The following UNC13B variants were observed in gnomAD, a reference collection of about 807,000 sequenced individuals.
UNC13B encodes the protein protein unc-13 homolog B.
UNC13B carries 144 observed loss-of-function variants against 211.0 expected under a neutral mutation model. That is an observed-to-expected ratio of 0.68 (90% CI 0.60 to 0.78). The LOEUF (loss-of-function observed/expected upper bound fraction) is 0.78. Ranked by LOEUF, UNC13B falls within the 30% of genes least tolerant of loss-of-function variation. The pLI is 0.00. For synonymous variants in UNC13B, 709 were observed against 725.8 expected, an observed-to-expected ratio of 0.98 and a Z score of 0.37; for missense variants, 1,777 against 2,002.0, an observed-to-expected ratio of 0.89 and a Z score of 2.14.
intron 1 of UNC13B, among the ~76,000 whole-genome samples, chr9:35,198,623 A>T (rs1462036059): frequency 6.6e-6 from 1 of 152,174 alleles, no homozygotes; most frequent in Non-Finnish European, 1.5e-5. Context: ...CAGAGGTTGG[A>T]CGAGTGTGGA....
chr9:35,396,416 G>T (rs148384026), intron 26 of UNC13B, 60 bp from the exon 27 acceptor site: 1 of 1,604,610 alleles, frequency 6.2e-7, no homozygotes, highest in East Asian at 2.2e-5. Flanking sequence ...GCCTTGGGAA[G>T]GCTCAGGAAC....
chr9:35,162,223 A>G lies in UNC13B; in HGVS notation c.-61A>G. On this transcript the variant is annotated 5_prime_UTR_variant, in exon 1 of 40. Coordinates refer to ENST00000635942, the MANE Select transcript of UNC13B (RefSeq NM_001371189.2). ...GAGAGCAGTCGCGGCACCTGCTGAGAGGAAAGAGGGAGCGGTCCGGCGCGG... is the reference window on the plus strand; with the variant it reads ...GAGAGCAGTCGCGGCACCTGCTGAGGGGAAAGAGGGAGCGGTCCGGCGCGG... 1.3e-6 allele frequency: 2 copies of G among 1,541,620 alleles called. No homozygotes were observed. The highest frequency in any genetic ancestry group is 1.7e-6 in the Non-Finnish European group (2 of 1,146,456).
chr9:35,169,081 T>C (rs1388857753), intron 1 of UNC13B, among the ~76,000 whole-genome samples: 2 of 152,204 alleles, frequency 1.3e-5, no homozygotes, highest in Non-Finnish European at 1.5e-5. Context: ...ACAGGTGAGG[T>C]GGCTCATGCC....
chr9:35,276,681 A>G (rs566015471), intron 7 of UNC13B, among the ~76,000 whole-genome samples: 1 of 152,342 alleles, frequency 6.6e-6, no homozygotes, highest in Non-Finnish European at 1.5e-5. Flanking sequence ...AGAAATGTGT[A>G]ATATAGAAAG....
intron 15 of UNC13B, among the ~76,000 whole-genome samples, chr9:35,376,773 C>G (rs1039188854): frequency 6.6e-6 from 1 of 152,164 alleles, no homozygotes; most frequent in Non-Finnish European, 1.5e-5. Flanking sequence ...ATACCAGACC[C>G]CCAGGGCCTT....
intron 1 of UNC13B, among the ~76,000 whole-genome samples, chr9:35,225,043 C>T (rs1255756163): frequency 1.3e-5 from 2 of 151,894 alleles, no homozygotes; most frequent in Non-Finnish European, 2.9e-5. Flanking sequence ...TACCTCAACA[C>T]AGTAGAGGTC....
intron 37 of UNC13B, 119 bp from the exon 38 acceptor site, chr9:35,403,048 C>G (rs969243378): frequency 1.3e-6 from 1 of 765,270 alleles, no homozygotes; most frequent in African/African-American, 1.7e-5. Flanking sequence ...TTGCTTACTT[C>G]CCATGGTTAC....
At chr9:35,393,046 C>G (rs1835639340) in intron 26 of UNC13B, among the ~76,000 whole-genome samples, 16 of 152,142 alleles carry the variant, frequency 1.1e-4, no homozygotes, top group Admixed American at 1.0e-3. Flanking sequence ...ACTCCATTCA[C>G]CAAATGTTTA....
intron 5 of UNC13B, among the ~76,000 whole-genome samples, chr9:35,241,611 T>A (rs1480555568): frequency 6.6e-6 from 1 of 150,510 alleles, no homozygotes; most frequent in Non-Finnish European, 1.5e-5. Context: ...ATCTTCTTTT[T>A]AAAACGCAAA....
At chr9:35,259,799 G>T (rs967155577) in intron 7 of UNC13B, among the ~76,000 whole-genome samples, 1 of 146,654 alleles carries the variant, frequency 6.8e-6, no homozygotes, top group Non-Finnish European at 1.5e-5. Context: ...GGGGATGCGG[G>T]GGGGGGGGAT....
Position 35,370,322 on chromosome 9 carries a change from G to T in UNC13B, c.9466G>T (p.Ala3156Ser). Residue 3156 changes from alanine to serine, a missense_variant, in exon 13 of 40, where the codon GCC (alanine) becomes TCC (serine). Coordinates refer to ENST00000635942, the MANE Select transcript of UNC13B (RefSeq NM_001371189.2). ...SLPQWLPEGPAGGLYGIDSMP... is the reference protein window; with the variant it reads ...SLPQWLPEGPSGGLYGIDSMP... ...CATATTTTCTTCTCTCCTCAGGCCAGCCGGAGGGCTCTATGGCATTGACAG... is the reference window on the plus strand; with the variant it reads ...CATATTTTCTTCTCTCCTCAGGCCATCCGGAGGGCTCTATGGCATTGACAG... 1 of 1,613,892 alleles carries T rather than the reference G, an allele frequency of 6.2e-7. No homozygotes were observed. Among genetic ancestry groups the T allele is most frequent in the Non-Finnish European group, 8.5e-7 (1 of 1,179,952 alleles).
At chr9:35,330,512 G>A (rs1279674161) in intron 11 of UNC13B, among the ~76,000 whole-genome samples, 1 of 152,186 alleles carries the variant, frequency 6.6e-6, no homozygotes, top group Non-Finnish European at 1.5e-5. Context: ...CTTATCTATG[G>A]ATGACTCCAA....
Position 35,303,254 on chromosome 9 carries a change from CACCCCTCCTCTGAGA to C in UNC13B, c.3853_3867del (p.Pro1285_Asn1289del). 1 of 398,462 alleles carries C rather than the reference CACCCCTCCTCTGAGA, an allele frequency of 2.5e-6. No homozygotes were observed. Among genetic ancestry groups the C allele is most frequent in the Non-Finnish European group, 4.4e-6 (1 of 225,734 alleles). 24.7% of individuals were successfully genotyped at this position (398,462 alleles called of 1,614,324 possible). A position where few individuals can be genotyped will look rare whatever the true frequency, so the allele number is the denominator to read the frequency against. On this transcript the variant is annotated inframe_deletion, in exon 9 of 40. Transcript: ENST00000635942. ...GAAAAACCAGCAAAGTGAAAAGCAT[CACCCCTCCTCTGAGA>C]ACATTGTACTTCACTGTGCTCCAAG... is the stretch of plus-strand genomic sequence containing the variant.
Position 35,390,686 on chromosome 9 carries a change from T to G in UNC13B, c.11280T>G (p.Phe3760Leu). Residue 3760 changes from phenylalanine (F) to leucine (L), a missense_variant, in exon 26 of 40, where the codon TTT becomes TTG. Phe to Leu is a conservative substitution (Grantham distance 22, BLOSUM62 0). Coordinates refer to ENST00000635942, the MANE Select transcript of UNC13B (RefSeq NM_001371189.2). Reference sequence around the variant, plus strand: ...GCGCAGAAGTGATGTGGCATTTGTTTGCCCAAGACATGAAATATGCATTGG... The same window carrying G: ...GCGCAGAAGTGATGTGGCATTTGTTGGCCCAAGACATGAAATATGCATTGG... ...KVSAEVMWHL[F>L]AQDMKYALEE... 1 of 1,614,186 alleles carries G rather than the reference T, an allele frequency of 6.2e-7. No individual in the cohort carries two copies. Among genetic ancestry groups the G allele is most frequent in the African/African-American group, 1.3e-5 (1 of 75,072 alleles).
chr9:35,193,923 T>G (rs2131350139), intron 1 of UNC13B, among the ~76,000 whole-genome samples: 1 of 152,260 alleles, frequency 6.6e-6, no homozygotes, highest in South Asian at 2.1e-4. Flanking sequence ...TAGATGGTGC[T>G]GTTGACCTTG....
At chr9:35,222,000 T>G (rs1824591738) in intron 1 of UNC13B, among the ~76,000 whole-genome samples, 1 of 152,226 alleles carries the variant, frequency 6.6e-6, no homozygotes, top group African/African-American at 2.4e-5. Context: ...ACTTTCTAAT[T>G]TTTTCCATTG....
chr9:35,371,475 C>T (rs538089494), intron 13 of UNC13B, among the ~76,000 whole-genome samples: 32 of 151,956 alleles, frequency 2.1e-4, no homozygotes, highest in Non-Finnish European at 4.4e-4. Context: ...CCACCATGCC[C>T]GACTCCTCCT....
chr9:35,402,689 G>A (rs1836403660), intron 37 of UNC13B, among the ~76,000 whole-genome samples: 1 of 152,092 alleles, frequency 6.6e-6, no homozygotes, highest in Admixed American at 6.5e-5. Context: ...GCCCAGGTTT[G>A]AGGGGGATGA....
chr9:35,400,364 T>C lies in UNC13B; in HGVS notation c.12405T>C (p.Ser4135=). ...TGGAGAAGAGCCCAGATCTGCAGTCTCTACGCTATGCCCTGTCTCTGTACA... is the reference window on the plus strand; with the variant it reads ...TGGAGAAGAGCCCAGATCTGCAGTCCCTACGCTATGCCCTGTCTCTGTACA... ...TFLEKSPDLQ[S]LRYALSLYTQ... Residue 4135 remains serine, a synonymous_variant, in exon 37 of 40, where the codon TCT becomes TCC. Coordinates refer to ENST00000635942, the MANE Select transcript of UNC13B (RefSeq NM_001371189.2). The C allele has an allele frequency of 6.2e-7, 1 of 1,614,186 alleles. No individual in the cohort carries two copies. The highest frequency in any genetic ancestry group is 1.1e-5 in the South Asian group (1 of 91,080).
Sources: allele counts gnomAD v4.1 joint callset (sites outside exome capture counted in the v4.1 genomes callset), GRCh38; gene constraint gnomAD v4.1.1; transcripts MANE v1.5; gene names NCBI Gene and HGNC (gene_info 2026-07-23, HGNC 2026-07-21).